The following FOXN2 variants were observed in gnomAD, a reference collection of about 807,000 sequenced individuals.
The protein encoded by FOXN2 is forkhead box N2.
Under a neutral mutation model 41.2 loss-of-function variants are expected in FOXN2, and 19 were observed. The observed-to-expected ratio is 0.46, with a 90% CI of 0.32 to 0.68. The LOEUF (loss-of-function observed/expected upper bound fraction) is 0.68. Ranked by LOEUF, FOXN2 falls within the 30% of genes least tolerant of loss-of-function variation. FOXN2 has a pLI of 0.03. For synonymous variants in FOXN2, 195 were observed against 176.8 expected (o/e 1.10, Z -0.82); for missense variants, 587 against 509.4 (o/e 1.15, Z -1.47).
chr2:48,330,831 G>A (rs1487628441), intron 2 of FOXN2, among the ~76,000 whole-genome samples: 1 of 152,140 alleles, frequency 6.6e-6, no homozygotes, highest in African/African-American at 2.4e-5. Flanking sequence ...TAATGAGACT[G>A]ATTTTAAGTA....
chr2:48,367,025 A>G (rs1339104209), intron 5 of FOXN2, among the ~76,000 whole-genome samples: 2 of 152,184 alleles, frequency 1.3e-5, no homozygotes, highest in African/African-American at 4.8e-5. Context: ...CGGAAAACTA[A>G]AGGGAGAGAT....
At chr2:48,354,015 A>G (rs537463682) in intron 3 of FOXN2, among the ~76,000 whole-genome samples, 1 of 152,232 alleles carries the variant, frequency 6.6e-6, no homozygotes, top group South Asian at 2.1e-4. Flanking sequence ...TTTTAGAACT[A>G]TTGTGTTTAT....
intron 1 of FOXN2, among the ~76,000 whole-genome samples, chr2:48,322,522 C>T (rs1233788350): frequency 6.6e-6 from 1 of 152,108 alleles, no homozygotes; most frequent in Non-Finnish European, 1.5e-5. Flanking sequence ...CACGCGGATT[C>T]TTGCACTCCC....
chr2:48,372,776 G>T (rs1278073281), intron 5 of FOXN2, among the ~76,000 whole-genome samples: 1 of 151,904 alleles, frequency 6.6e-6, no homozygotes, highest in African/African-American at 2.4e-5. Context: ...TTTTGTTTCT[G>T]CATAATTATT....
chr2:48,349,062 A>T (rs1461530353), intron 3 of FOXN2, among the ~76,000 whole-genome samples: 1 of 152,156 alleles, frequency 6.6e-6, no homozygotes, highest in Non-Finnish European at 1.5e-5. Context: ...CCATCTACTC[A>T]ATATAGAGTC....
intron 3 of FOXN2, among the ~76,000 whole-genome samples, chr2:48,351,185 C>T (rs577976188): frequency 6.6e-6 from 1 of 152,214 alleles, no homozygotes; most frequent in Non-Finnish European, 1.5e-5. Flanking sequence ...TGGTCTCTAA[C>T]TCCTGGGCTC....
chr2:48,316,220 G>A (rs188409109), intron 1 of FOXN2, among the ~76,000 whole-genome samples: 7 of 152,168 alleles, frequency 4.6e-5, no homozygotes, highest in Non-Finnish European at 7.4e-5. Context: ...TTCTCCTAAG[G>A]TGTATACCGA....
chr2:48,342,843 A>C (rs1029458702), intron 2 of FOXN2, among the ~76,000 whole-genome samples: 1 of 152,200 alleles, frequency 6.6e-6, no homozygotes, highest in African/African-American at 2.4e-5. Context: ...CTTGGTTTTT[A>C]ATAATGTCAA....
At chr2:48,356,888 C>T (rs1189114918) in intron 3 of FOXN2, among the ~76,000 whole-genome samples, 3 of 152,106 alleles carry the variant, frequency 2.0e-5, no homozygotes, top group South Asian at 2.1e-4. Flanking sequence ...AGTTCTAAAA[C>T]GCAAAATAAT....
At chr2:48,338,959 A>T (rs369897056) in intron 2 of FOXN2, among the ~76,000 whole-genome samples, 34 of 152,344 alleles carry the variant, frequency 2.2e-4, no homozygotes, top group African/African-American at 7.7e-4. Context: ...TGCATCACAT[A>T]TAAGTTATTA....
In FOXN2 at chr2:48,376,719, AT is replaced by A. The variant is rs1297991164; in HGVS notation, c.*1277del. The A allele has an allele frequency of 9.8e-5, 15 of 152,524 alleles. No individual in the cohort carries two copies. Among genetic ancestry groups the A allele is most frequent in the Non-Finnish European group, 1.5e-5 (1 of 67,938 alleles). The allele number at this position is 152,524 out of a possible 1,614,324, so 9.4% of individuals were successfully genotyped here. On this transcript the variant is annotated 3_prime_UTR_variant, in exon 7 of 7. Coordinates refer to ENST00000340553, the MANE Select transcript of FOXN2 (RefSeq NM_002158.4). ...GACAGTTTTTCATAGTATCATTTGT[AT>A]AATTTGATTAGATTATTCAGAAACA...
At position 48,362,637 on chromosome 2, in the gene FOXN2, T is replaced by C; in HGVS notation, c.639-6T>C. On this transcript the variant is annotated splice_polypyrimidine_tract_variant and splice_region_variant and intron_variant, in intron 4 of 6. Transcript: ENST00000340553. The stretch of plus-strand genomic sequence containing the variant: ...AAGCATATTTGCTTTTCTGTTTGTT[T>C]TTCAGTGGTTCTTTATCACCTCACT... 1 of 1,613,070 alleles carries C rather than the reference T, an allele frequency of 6.2e-7. No homozygotes were observed. Among genetic ancestry groups the C allele is most frequent in the Non-Finnish European group, 8.5e-7 (1 of 1,179,410 alleles).
chr2:48,322,347 G>A (rs146251290), intron 1 of FOXN2, among the ~76,000 whole-genome samples: 1 of 152,190 alleles, frequency 6.6e-6, no homozygotes, highest in African/African-American at 2.4e-5. Context: ...CAAAACAAAT[G>A]TGTAACTTAG....
chr2:48,327,125 C>G (rs1437190655), intron 1 of FOXN2, among the ~76,000 whole-genome samples: 1 of 152,012 alleles, frequency 6.6e-6, no homozygotes, highest in African/African-American at 2.4e-5. Context: ...TCACGTATAT[C>G]CCAAATGCCT....
At position 48,339,954 on chromosome 2, in the gene FOXN2, A is replaced by T. The variant is rs6758631; in HGVS notation, c.-14-6247A>T. Among the ~76,000 whole-genome samples the T allele has an allele frequency of 3.0e-3, 451 of 152,354 alleles. 5 individuals carry two copies. The highest frequency in any genetic ancestry group is 0.01 in the African/African-American group (430 of 41,584). On this transcript the variant is annotated intron_variant, in intron 2 of 6. Coordinates refer to ENST00000340553, the MANE Select transcript of FOXN2 (RefSeq NM_002158.4). ...GTCTCTGTAAAAATGAATTACTGCT[A>T]CAATAATGTTAATGAATTCGATGGG...
At position 48,346,524 on chromosome 2, in the gene FOXN2, C is replaced by A. The variant is rs757811256; in HGVS notation, c.310C>A (p.Pro104Thr). ...PSFGPACYQN[P>T]EKKSATSKPP... ...CTTTGGACCAGCTTGCTACCAGAAC[C>A]CAGAAAAAAAATCAGCGACTTCAAA... Residue 104 changes from proline to threonine, a missense_variant, in exon 3 of 7, where the codon CCA becomes ACA. By Grantham distance (38) the Pro-to-Thr change is conservative. Coordinates refer to ENST00000340553, the MANE Select transcript of FOXN2 (RefSeq NM_002158.4). The A allele has an allele frequency of 3.1e-6, 5 of 1,612,706 alleles. No individual in the cohort carries two copies. The highest frequency in any genetic ancestry group is 4.2e-6 in the Non-Finnish European group (5 of 1,179,662).
chr2:48,373,753 A>G (rs940228362), intron 6 of FOXN2, among the ~76,000 whole-genome samples: 3 of 152,142 alleles, frequency 2.0e-5, no homozygotes, highest in African/African-American at 7.2e-5. Context: ...TTAATAAAAC[A>G]TCAAAATTTT....
chr2:48,326,039 G>A (rs1055533566), intron 1 of FOXN2, among the ~76,000 whole-genome samples: 1 of 152,064 alleles, frequency 6.6e-6, no homozygotes, highest in African/African-American at 2.4e-5. Flanking sequence ...AGTATAGATG[G>A]GGTTTTTGCC....
chr2:48,317,330 T>TC (rs1668985787), intron 1 of FOXN2, among the ~76,000 whole-genome samples: 1 of 151,928 alleles, frequency 6.6e-6, no homozygotes, highest in South Asian at 2.1e-4. Context: ...ATGCCTGTAG[T>TC]CCCAGCTACT....
Sources: gnomAD v4.1 joint callset for allele counts (sites outside exome capture counted in the v4.1 genomes callset) on GRCh38, gnomAD v4.1.1 for gene constraint, MANE v1.5 for transcripts, NCBI Gene and HGNC (gene_info 2026-07-23, HGNC 2026-07-21) for gene names.